Variants in FRAS1 observed in about 807,000 individuals in gnomAD.
FRAS1 encodes extracellular matrix organizing protein FRAS1.
A neutral mutation model predicts 435.2 loss-of-function variants in FRAS1; 290 were observed. That is an observed-to-expected ratio of 0.67 (90% CI 0.61 to 0.73). The LOEUF is 0.73. Ranked by LOEUF, FRAS1 falls within the 30% of genes least tolerant of loss-of-function variation. The pLI, the probability that FRAS1 is intolerant of heterozygous loss-of-function variation, is 0.00. For missense variants in FRAS1, 4,860 were observed against 5,001.5 expected (o/e 0.97, Z 0.85); for synonymous variants, 1,800 against 1,851.0 (o/e 0.97, Z 0.71).
chr4:78,245,096 C>T, intron 3 of FRAS1, 137 bp from the exon 4 acceptor site: 2 of 669,444 alleles, frequency 3.0e-6, no homozygotes, highest in Admixed American at 2.3e-5. Flanking sequence ...TCAGTCTATT[C>T]ATTTTATCCC....
chr4:78,088,019 CA>C (rs1201228397), intron 2 of FRAS1, among the ~76,000 whole-genome samples: 1 of 152,210 alleles, frequency 6.6e-6, no homozygotes, highest in Non-Finnish European at 1.5e-5. Flanking sequence ...TACCTGACTT[CA>C]AACTATACTA....
At chr4:78,253,495 C>A (rs1725643102) in intron 5 of FRAS1, among the ~76,000 whole-genome samples, 1 of 152,112 alleles carries the variant, frequency 6.6e-6, no homozygotes, top group African/African-American at 2.4e-5. Context: ...GATAAATGTC[C>A]ATGAAATCTT....
rs144318294 is a variant in FRAS1, at chr4:78,293,564, G to A, written c.1534+7025G>A. Among the ~76,000 whole-genome samples, 721 of 152,182 alleles carry A rather than the reference G, an allele frequency of 4.7e-3. 6 individuals carry two copies. The highest frequency in any genetic ancestry group is 0.016 in the African/African-American group (666 of 41,510). On this transcript the variant is annotated intron_variant, in intron 14 of 73. Coordinates refer to ENST00000512123, the MANE Select transcript of FRAS1 (RefSeq NM_025074.7). ...TTTAACATAGTTGTGGGCTTTATTAGAGTTGGGAATGTGACTTATAAAATC... is the reference window on the plus strand; with the variant it reads ...TTTAACATAGTTGTGGGCTTTATTAAAGTTGGGAATGTGACTTATAAAATC...
intron 16 of FRAS1, among the ~76,000 whole-genome samples, chr4:78,315,956 A>ACCC (rs1449449886): frequency 6.6e-6 from 1 of 152,198 alleles, no homozygotes; most frequent in Admixed American, 6.5e-5. Flanking sequence ...GGACTTACGC[A>ACCC]TATTAATCAT....
At chr4:78,419,695 G>A (rs568161008) in intron 33 of FRAS1, among the ~76,000 whole-genome samples, 2 of 152,246 alleles carry the variant, frequency 1.3e-5, no homozygotes, top group East Asian at 3.9e-4. Flanking sequence ...CTGAAACTGG[G>A]TAATTTATAA....
At chr4:78,182,256 G>A (rs572760388) in intron 2 of FRAS1, among the ~76,000 whole-genome samples, 2 of 152,256 alleles carry the variant, frequency 1.3e-5, no homozygotes, top group Admixed American at 6.5e-5. Flanking sequence ...GGGCAACCGT[G>A]TTGTGGTTAT....
rs980768549 is a variant in FRAS1, at chr4:78,420,957, A to C, written c.4541-906A>C. ...GGGAGTTTATTAAGTATTAACTCCC[A>C]CAATCACAAGGTCCCACAATAGGCC... On this transcript the variant is annotated intron_variant, in intron 33 of 73. Coordinates refer to ENST00000512123, the MANE Select transcript of FRAS1 (RefSeq NM_025074.7). Among the ~76,000 whole-genome samples, 4 of 145,146 alleles carry C rather than the reference A, an allele frequency of 2.8e-5. No individual in the cohort carries two copies. In the East Asian group the frequency reaches 8.4e-4, roughly 31 times the overall value.
intron 2 of FRAS1, among the ~76,000 whole-genome samples, chr4:78,128,435 G>T (rs1255437519): frequency 6.6e-6 from 1 of 152,120 alleles, no homozygotes; most frequent in Non-Finnish European, 1.5e-5. Context: ...ACTTTTTAAT[G>T]ATCGCCATTC....
intron 23 of FRAS1, among the ~76,000 whole-genome samples, chr4:78,370,815 G>A (rs544758620): frequency 6.6e-6 from 1 of 152,136 alleles, no homozygotes; most frequent in Non-Finnish European, 1.5e-5. Context: ...ACTTTGAATG[G>A]TAGTGCTCAG....
At chr4:78,503,110 G>T (rs1003686936) in intron 61 of FRAS1, among the ~76,000 whole-genome samples, 3 of 152,086 alleles carry the variant, frequency 2.0e-5, no homozygotes, top group African/African-American at 7.2e-5. Flanking sequence ...TGCTGGATTC[G>T]ATTCACCAGT....
chr4:78,366,149 G>A (rs1414218200), intron 22 of FRAS1, among the ~76,000 whole-genome samples: 2 of 152,152 alleles, frequency 1.3e-5, no homozygotes, highest in Non-Finnish European at 2.9e-5. Flanking sequence ...AGATATTCTA[G>A]TTATAGGAAT....
intron 19 of FRAS1, among the ~76,000 whole-genome samples, chr4:78,333,997 C>T (rs747814551): frequency 1.2e-4 from 18 of 152,138 alleles, no homozygotes; most frequent in Non-Finnish European, 2.2e-4. Flanking sequence ...AAGTGTTGCC[C>T]AGGCTAGACA....
At chr4:78,266,972 T>C in intron 8 of FRAS1, 37 bp downstream of exon 8, 1 of 1,414,340 alleles carries the variant, frequency 7.1e-7, no homozygotes, top group Non-Finnish European at 9.8e-7. Context: ...TTTAAGCTCT[T>C]TTCTGGGTCA....
chr4:78,455,700 G>A (rs374854718), intron 47 of FRAS1, among the ~76,000 whole-genome samples: 2 of 152,248 alleles, frequency 1.3e-5, no homozygotes, highest in Non-Finnish European at 2.9e-5. Flanking sequence ...CTGCCTATGC[G>A]AACTGTGCAG....
At chr4:78,233,098 A>C (rs924908018) in intron 2 of FRAS1, among the ~76,000 whole-genome samples, 3 of 152,236 alleles carry the variant, frequency 2.0e-5, no homozygotes, top group Non-Finnish European at 4.4e-5. Flanking sequence ...TTAAAAGTAT[A>C]ATGGACTGCT....
intron 15 of FRAS1, among the ~76,000 whole-genome samples, chr4:78,314,048 T>C (rs1221957253): frequency 6.6e-6 from 1 of 152,178 alleles, no homozygotes; most frequent in Non-Finnish European, 1.5e-5. Flanking sequence ...CTTTTTTCTC[T>C]CCCTTATCTT....
chr4:78,176,182 A>T (rs1721771794), intron 2 of FRAS1, among the ~76,000 whole-genome samples: 1 of 152,236 alleles, frequency 6.6e-6, no homozygotes. Context: ...GTGAGATAGC[A>T]TTACTTCATG....
intron 45 of FRAS1, chr4:78,450,579 T>C: frequency 2.1e-6 from 1 of 470,654 alleles, no homozygotes; most frequent in South Asian, 2.6e-5. Context: ...TTGCAGCTAT[T>C]TTGGAGAGAA....
intron 14 of FRAS1, among the ~76,000 whole-genome samples, chr4:78,293,373 C>G (rs1578233079): frequency 2.0e-5 from 3 of 152,248 alleles, no homozygotes; most frequent in African/African-American, 7.2e-5. Context: ...AGAGAGCAAT[C>G]AACAGAAATG....
Sources: gnomAD v4.1 joint callset for allele counts (sites outside exome capture counted in the v4.1 genomes callset) on GRCh38, gnomAD v4.1.1 for gene constraint, MANE v1.5 for transcripts, NCBI Gene and HGNC (gene_info 2026-07-23, HGNC 2026-07-21) for gene names.